HIVEP1: variants seen among roughly 807,000 people sequenced by gnomAD.
HIVEP1 encodes the protein zinc finger protein 40.
A neutral mutation model predicts 180.0 loss-of-function variants in HIVEP1; 36 were observed. The ratio of observed to expected loss-of-function variants is 0.20; its 90% CI spans 0.15 to 0.26. HIVEP1 has a LOEUF of 0.26. Ranked by LOEUF, HIVEP1 falls within the 10% of genes least tolerant of loss-of-function variation. HIVEP1 has a pLI of 1.00. For synonymous variants in HIVEP1, 1,239 were observed against 1,239.0 expected, an observed-to-expected ratio of 1.00 and a Z score of 0.00; for missense variants, 3,143 against 3,268.7, an observed-to-expected ratio of 0.96 and a Z score of 0.94.
At chr6:12,052,436 C>A (rs1391717515) in intron 2 of HIVEP1, among the ~76,000 whole-genome samples, 1 of 152,144 alleles carries the variant, frequency 6.6e-6, no homozygotes, top group South Asian at 2.1e-4. Flanking sequence ...GAAACTGTTA[C>A]AATAGTGTCC....
chr6:12,130,404 GGTGCGC>G (rs1758351659), intron 5 of HIVEP1, among the ~76,000 whole-genome samples: 1 of 152,244 alleles, frequency 6.6e-6, no homozygotes, highest in African/African-American at 2.4e-5. Context: ...GCAGCGCAGT[GGTGCGC>G]GCCTGTAGTC....
chr6:12,011,796 C>T (rs1446029886), upstream of HIVEP1, among the ~76,000 whole-genome samples: 1 of 147,892 alleles, frequency 6.8e-6, no homozygotes, highest in African/African-American at 2.4e-5. Flanking sequence ...CCGCGCCGGC[C>T]CAGCTGGGCC....
chr6:12,139,691 A>G (rs533074841), intron 7 of HIVEP1, among the ~76,000 whole-genome samples: 1 of 152,250 alleles, frequency 6.6e-6, no homozygotes, highest in African/African-American at 2.4e-5. Flanking sequence ...TATATCCCGC[A>G]TCTGGCTTGG....
intron 2 of HIVEP1, among the ~76,000 whole-genome samples, chr6:12,050,603 A>T (rs1049518747): frequency 2.6e-5 from 4 of 152,032 alleles, no homozygotes; most frequent in Admixed American, 2.6e-4. Context: ...AAAAAATAAA[A>T]AAATTAAACA....
chr6:12,015,617 G>C lies in HIVEP1; in HGVS notation c.-12G>C. The C allele has an allele frequency of 4.3e-6, 7 of 1,613,012 alleles. No individual in the cohort carries two copies. Among genetic ancestry groups the C allele is most frequent in the Non-Finnish European group, 5.9e-6 (7 of 1,179,300 alleles). On this transcript the variant is annotated 5_prime_UTR_variant, in exon 2 of 9. It removes the in-frame stop codon of an upstream open reading frame in the 5' UTR. Transcript: ENST00000379388. ...TTTTTAAGAAGAAAAAGAAGGCCCT[G>C]AGTCAAAGAAGATGCCTCGAACTAA...
chr6:12,121,291 G>T lies in HIVEP1; in HGVS notation c.1496G>T (p.Gly499Val). 1 of 1,614,148 alleles carries T rather than the reference G, an allele frequency of 6.2e-7. No individual in the cohort carries two copies. Among genetic ancestry groups the T allele is most frequent in the African/African-American group, 1.3e-5 (1 of 75,022 alleles). Residue 499 changes from glycine to valine, a missense_variant, in exon 4 of 9, where the codon GGC becomes GTC. Physicochemically the swap from Gly to Val is moderately radical, Grantham distance 109. Around this residue, in one of 12 missense-constraint regions of HIVEP1, gnomAD observed 365 missense variants for 344.4 expected, o/e 1.06. Transcript: ENST00000379388. This position sits in a 1 kb window ranked among gnomAD's most constrained non-coding sequence, Gnocchi z 5.3. ...GACAGTGGGGAGAGCGAGGAGGAAGGCGCCACTGATGAGAGACAGCATGAC... is the reference window on the plus strand; with the variant it reads ...GACAGTGGGGAGAGCGAGGAGGAAGTCGCCACTGATGAGAGACAGCATGAC... ...VEDSGESEEEGATDERQHDLG... is the reference protein window; with the variant it reads ...VEDSGESEEEVATDERQHDLG...
chr6:12,196,407 T>C, the HIVEP1 span, among the ~76,000 whole-genome samples: 3 of 152,142 alleles, frequency 2.0e-5, no homozygotes, highest in Non-Finnish European at 4.4e-5. Flanking sequence ...AATCTCAGTT[T>C]CTCCATTTCT....
Position 12,124,376 on chromosome 6 carries a change from A to C in HIVEP1, c.4581A>C (p.Thr1527=), listed in dbSNP as rs866136805. ...QIHAPPSHQS[T]QLSLQVSTQG... is the part of the protein sequence containing the mutation. Reference sequence around the variant, plus strand: ...ATGCACCGCCTAGCCACCAGAGCACACAGCTATCTCTGCAAGTGTCTACGC... The same window carrying C: ...ATGCACCGCCTAGCCACCAGAGCACCCAGCTATCTCTGCAAGTGTCTACGC... The change falls in exon 4 of 9, where the codon ACA becomes ACC. Residue 1527 remains threonine (T), a synonymous_variant. Transcript: ENST00000379388. 11 of 1,614,154 alleles carry C rather than the reference A, an allele frequency of 6.8e-6. No individual in the cohort carries two copies. The African/African-American group carries it at 9.3e-5, about 14-fold the overall frequency.
chr6:12,116,229 A>G lies in HIVEP1; in HGVS notation c.95-3661A>G, dbSNP rs537797126. On this transcript the variant is annotated intron_variant, in intron 3 of 8. Coordinates refer to ENST00000379388, the MANE Select transcript of HIVEP1 (RefSeq NM_002114.4). ...TTTAAAATTAATCAAGATGAGGGTA[A>G]GTTTAAAAAACTATTCCAGGTATTT... Among the ~76,000 whole-genome samples the G allele has an allele frequency of 1.6e-4, 24 of 152,234 alleles. No individual in the cohort carries two copies. The East Asian group carries it at 2.5e-3, about 16-fold the overall frequency.
chr6:12,098,751 TG>T (rs1773918868), intron 3 of HIVEP1, among the ~76,000 whole-genome samples: 1 of 152,056 alleles, frequency 6.6e-6, no homozygotes, highest in African/African-American at 2.4e-5. Context: ...GATAAAGAAC[TG>T]GGAGGAAGTC....
At chr6:12,189,966 TTGTTGTGTTG>T in the HIVEP1 span, among the ~76,000 whole-genome samples, 1 of 152,210 alleles carries the variant, frequency 6.6e-6, no homozygotes, top group Non-Finnish European at 1.5e-5. Context: ...TTACATTGTA[TTGTTGTGTTG>T]TGTTGTGTTG....
chr6:12,082,682 A>G (rs1197534833), intron 2 of HIVEP1, among the ~76,000 whole-genome samples: 1 of 152,108 alleles, frequency 6.6e-6, no homozygotes, highest in Non-Finnish European at 1.5e-5. Context: ...TGCCTTTCCA[A>G]ACCCTAATGC....
chr6:12,144,411 T>A (rs1436268695), intron 7 of HIVEP1, among the ~76,000 whole-genome samples: 1 of 152,170 alleles, frequency 6.6e-6, no homozygotes, highest in Admixed American at 6.5e-5. Context: ...ATGTTAGACC[T>A]AAAACCATAA....
At chr6:12,066,148 G>A (rs1290784838) in intron 2 of HIVEP1, among the ~76,000 whole-genome samples, 2 of 152,112 alleles carry the variant, frequency 1.3e-5, no homozygotes, top group African/African-American at 4.8e-5. Flanking sequence ...ATTTTCAAGG[G>A]GAGCGATTCT....
At chr6:12,145,071 G>A (rs1759286555) in intron 7 of HIVEP1, among the ~76,000 whole-genome samples, 1 of 152,136 alleles carries the variant, frequency 6.6e-6, no homozygotes, top group South Asian at 2.1e-4. Flanking sequence ...ACATGCACAC[G>A]TATGTTTATT....
At chr6:12,059,269 C>G (rs534887841) in intron 2 of HIVEP1, among the ~76,000 whole-genome samples, 2 of 152,154 alleles carry the variant, frequency 1.3e-5, no homozygotes, top group African/African-American at 4.8e-5. Flanking sequence ...AACTCCTGAC[C>G]TCAAGTGATC....
rs35927245 is a variant in HIVEP1, at chr6:12,122,959, C to T, written c.3164C>T (p.Ser1055Phe). The change falls in exon 4 of 9, where the codon TCT (serine) becomes TTT (phenylalanine). Residue 1055 changes from serine to phenylalanine, a missense_variant. Physicochemically the swap from Ser to Phe is radical, Grantham distance 155. Transcript: ENST00000379388. ...GAAAGTGGAACATCTCCAAAAAGTTCTGAAGGCCTTCAGTTTCAGAATGCT... is the reference window on the plus strand; with the variant it reads ...GAAAGTGGAACATCTCCAAAAAGTTTTGAAGGCCTTCAGTTTCAGAATGCT... ...QNESGTSPKS[S>F]EGLQFQNALG... is the part of the protein sequence containing the mutation. The T allele has an allele frequency of 1.7e-3, 2,776 of 1,613,938 alleles. 40 individuals are homozygous for T. In the African/African-American group the frequency reaches 0.029, roughly 17 times the overall value.
chr6:12,010,464 C>G (rs1192717100), upstream of HIVEP1, among the ~76,000 whole-genome samples: 1 of 152,182 alleles, frequency 6.6e-6, no homozygotes, highest in African/African-American at 2.4e-5. Context: ...TCAACTCCAG[C>G]AGGAAAAACC....
upstream of HIVEP1, chr6:12,012,049 G>A (rs1309678847): frequency 1.6e-4 from 23 of 145,734 alleles, no homozygotes; most frequent in Non-Finnish European, 3.1e-4. Flanking sequence ...CTGCCCCGGG[G>A]GAGAGGTAAA....
Sources: gnomAD v4.1 joint callset for allele counts (sites outside exome capture counted in the v4.1 genomes callset) on GRCh38, gnomAD v4.1.1 for gene constraint, gnomAD v4.1.1 regional missense constraint, Gnocchi (gnomAD v3.1) non-coding constraint, MANE v1.5 for transcripts, NCBI Gene and HGNC (gene_info 2026-07-23, HGNC 2026-07-21) for gene names.